TUBGCP6: variants seen among roughly 807,000 people sequenced by gnomAD.
TUBGCP6 encodes the protein tubulin gamma complex component 6.
Under a neutral mutation model 175.8 loss-of-function variants are expected in TUBGCP6, and 161 were observed. The observed-to-expected ratio is 0.92, with a 90% CI of 0.81 to 1.04. TUBGCP6 has a LOEUF of 1.04. Ranked by LOEUF, TUBGCP6 falls within the 50% of genes least tolerant of loss-of-function variation. The pLI, the probability that TUBGCP6 is intolerant of heterozygous loss-of-function variation, is 0.00. For missense variants in TUBGCP6, 2,572 were observed against 2,433.0 expected, an observed-to-expected ratio of 1.06 and a Z score of -1.20; for synonymous variants, 1,173 against 1,030.5, an observed-to-expected ratio of 1.14 and a Z score of -2.65.
rs2064889043 is a variant in TUBGCP6, at chr22:50,244,270, G to C, written c.190C>G (p.Leu64Val). 2 of 1,613,538 alleles carry C rather than the reference G, an allele frequency of 1.2e-6. No homozygotes were observed. The highest frequency in any genetic ancestry group is 1.3e-5 in the African/African-American group (1 of 74,946). ...ATGAGGATCTTGTTTCTCGCTGGTA[G>C]TTTTGACATGTCAGGCTGCAGCTGT... ...TQQLQPDMSK[L>V]PARNKILMLS... is the part of the protein sequence containing the mutation. The change falls in exon 1 of 25, where the codon CTA becomes GTA. Residue 64 changes from leucine (L) to valine (V), a missense_variant. Transcript: ENST00000248846.
intron 5 of TUBGCP6, among the ~76,000 whole-genome samples, chr22:50,227,497 CCA>C (rs1227297810): frequency 1.3e-5 from 2 of 152,326 alleles, no homozygotes; most frequent in East Asian, 3.9e-4. Flanking sequence ...CTCAGCGCTG[CCA>C]CACTCTGCTC....
intron 10 of TUBGCP6, among the ~76,000 whole-genome samples, chr22:50,224,943 T>C (rs896439111): frequency 4.0e-5 from 6 of 151,730 alleles, no homozygotes; most frequent in Non-Finnish European, 7.4e-5. Context: ...AGCAACCTAA[T>C]CCTCTGACCC....
At chr22:50,235,193 T>TCATCCACACTCCTGTCCATGGCAG (rs2064755716) in intron 2 of TUBGCP6, among the ~76,000 whole-genome samples, 1 of 23,612 alleles carries the variant, frequency 4.2e-5, no homozygotes, top group African/African-American at 3.7e-4. Flanking sequence ...CACGGCAGCA[T>TCATCCACACTCCTGTCCATGGCAG]CATCCACATC....
rs778942140 is a variant in TUBGCP6 at position 50,225,904 on chromosome 22, A to C, written c.1873T>G (p.Ser625Ala). Residue 625 changes from serine to alanine, a missense_variant, in exon 10 of 25, where the codon TCG becomes GCG. Ser to Ala is a moderately conservative substitution (Grantham distance 99). Transcript: ENST00000248846. ...CWSDVPVPRI[S>A]VIFSLEELKE... ...AACTCCTCAAGGGAGAAAATCACCG[A>C]GATCCGGGGGACAGGGACGTCGGAC... 1.2e-6 allele frequency: 2 copies of C among 1,613,916 alleles called. No individual in the cohort carries two copies. The highest frequency in any genetic ancestry group is 1.7e-6 in the Non-Finnish European group (2 of 1,179,996).
Position 50,243,795 on chromosome 22 carries a change from C to T in TUBGCP6, c.665G>A (p.Arg222His). 1.2e-6 allele frequency: 2 copies of T among 1,613,586 alleles called. No individual in the cohort carries two copies. Among genetic ancestry groups the T allele is most frequent in the Non-Finnish European group, 1.7e-6 (2 of 1,179,996 alleles). Residue 222 changes from arginine to histidine, a missense_variant, in exon 1 of 25, where the codon CGC (arginine) becomes CAC (histidine). Coordinates refer to ENST00000248846, the MANE Select transcript of TUBGCP6 (RefSeq NM_020461.4). The part of the protein sequence containing the change: ...VSLFGALVHS[R>H]TYDMDVRLGL... Reference sequence around the variant, plus strand: ...CAGTCGGACGTCCATGTCATAAGTGCGGCTGTGCACAAGGGCCCCGAAGAG... The same window carrying T: ...CAGTCGGACGTCCATGTCATAAGTGTGGCTGTGCACAAGGGCCCCGAAGAG...
At position 50,220,870 on chromosome 22, in the gene TUBGCP6, G is replaced by A. The variant is rs147590381; in HGVS notation, c.3489C>T (p.His1163=). ...PTRPRWNTHG[H]VSDASISLGE... ...CCAAGCTGATGCTGGCATCGGACACGTGTCCATGGGTGTTCCACCGTGGCC... is the reference window on the plus strand; with the variant it reads ...CCAAGCTGATGCTGGCATCGGACACATGTCCATGGGTGTTCCACCGTGGCC... The change falls in exon 16 of 25, where the codon CAC becomes CAT. Residue 1163 remains histidine (H), a synonymous_variant. Transcript: ENST00000248846. 1.7e-4 allele frequency: 281 copies of A among 1,610,114 alleles called. No homozygotes were observed. The highest frequency in any genetic ancestry group is 5.0e-4 in the Middle Eastern group (3 of 6,038).
At chr22:50,232,973 G>A (rs1169228954) in intron 3 of TUBGCP6, among the ~76,000 whole-genome samples, 4 of 152,206 alleles carry the variant, frequency 2.6e-5, no homozygotes, top group East Asian at 1.9e-4. Flanking sequence ...GGACGCTCTC[G>A]GCAGGCAGAT....
chr22:50,243,657 G>GAAGAAGAAGAAGA, intron 1 of TUBGCP6, 62 bp downstream of exon 1: 1 of 1,053,060 alleles, frequency 9.5e-7, no homozygotes, highest in Middle Eastern at 2.2e-4. Flanking sequence ...GAAGAAGAAA[G>GAAGAAGAAGAAGA]GTCACAGGAA....
rs2147184700 is a variant in TUBGCP6, at chr22:50,224,182, T to C, written c.2229A>G (p.Arg743=). The change falls in exon 13 of 25, where the codon AGA becomes AGG. Residue 743 remains arginine (R), a synonymous_variant. Transcript: ENST00000248846. The part of the protein sequence containing the change: ...SYARELRDRE[R]RLKSLEEELE... ...GCTCCTCCTCCAGGGACTTCAGCCT[T>C]CTCTCCCTGTCTCGGAGTTCACGGG... is the stretch of plus-strand genomic sequence containing the variant. 1 of 1,614,000 alleles carries C rather than the reference T, an allele frequency of 6.2e-7. No individual in the cohort carries two copies. The highest frequency in any genetic ancestry group is 8.5e-7 in the Non-Finnish European group (1 of 1,180,002).
intron 1 of TUBGCP6, among the ~76,000 whole-genome samples, chr22:50,241,604 G>C (rs1202917585): frequency 3.3e-5 from 5 of 152,178 alleles, no homozygotes; most frequent in African/African-American, 7.2e-5. Flanking sequence ...GATAGCAGTA[G>C]CAAATTAGTG....
Position 50,240,453 on chromosome 22 carries a change from CA to C in TUBGCP6, c.742-87del, listed in dbSNP as rs1357669332. ...CGATGAGAATTTCAGGAACTTTATG[CA>C]AAGACCTAACAAAATGTTTCTTCTG... is the stretch of plus-strand genomic sequence containing the variant. On this transcript the variant is annotated intron_variant, in intron 1 of 24. Transcript: ENST00000248846. The C allele has an allele frequency of 2.7e-6, 4 of 1,495,698 alleles. No homozygotes were observed. In the African/African-American group the frequency reaches 5.5e-5, roughly 21 times the overall value. 92.7% of individuals were successfully genotyped at this position (1,495,698 alleles called of 1,614,324 possible).
At position 50,218,280 on chromosome 22, in the gene TUBGCP6, A is replaced by G; in HGVS notation, c.5077T>C (p.Trp1693Arg). ...GCCAACCTGGCCCTGAACTCGCACC[A>G]GGTGACGTGCAGGATCTGGTTGGCG... ...YIANQILHVT[W>R]CEFRARLATV... Residue 1693 changes from tryptophan (W) to arginine (R), a missense_variant, in exon 23 of 25, where the codon TGG (tryptophan) becomes CGG (arginine). Trp to Arg is a moderately radical substitution (Grantham distance 101). Coordinates refer to ENST00000248846, the MANE Select transcript of TUBGCP6 (RefSeq NM_020461.4). 6.2e-7 allele frequency: 1 copy of G among 1,613,084 alleles called. No homozygotes were observed. The highest frequency in any genetic ancestry group is 8.5e-7 in the Non-Finnish European group (1 of 1,179,976).
chr22:50,222,497 C>T lies in TUBGCP6; in HGVS notation c.2366G>A (p.Ser789Asn), dbSNP rs1411861715. Reference protein sequence around the residue: ...LWRIQRHRLESARLRFLLEDE... With the variant: ...LWRIQRHRLENARLRFLLEDE... ...TTCTAAGAGAAAACGAAGCCGTGCA[C>T]TCTCCAGTCGGTGCCTCTGGATTCT... Residue 789 changes from serine to asparagine, a missense_variant, in exon 14 of 25, where the codon AGT (serine) becomes AAT (asparagine). By Grantham distance (46) the Ser-to-Asn change is conservative. Coordinates refer to ENST00000248846, the MANE Select transcript of TUBGCP6 (RefSeq NM_020461.4). The T allele has an allele frequency of 6.2e-7, 1 of 1,613,888 alleles. No homozygotes were observed. Among genetic ancestry groups the T allele is most frequent in the Non-Finnish European group, 8.5e-7 (1 of 1,180,040 alleles).
In TUBGCP6 at chr22:50,221,697, T is replaced by C; in HGVS notation, c.2662A>G (p.Arg888Gly). 6.6e-7 allele frequency: 1 copy of C among 1,517,762 alleles called. No individual in the cohort carries two copies. The allele number at this position is 1,517,762 out of a possible 1,614,324, so 94.0% of individuals were successfully genotyped here. The change falls in exon 16 of 25, where the codon AGA becomes GGA. Residue 888 changes from arginine to glycine, a missense_variant. Arg to Gly is a moderately radical substitution (Grantham distance 125). Coordinates refer to ENST00000248846, the MANE Select transcript of TUBGCP6 (RefSeq NM_020461.4). Reference sequence around the variant, plus strand: ...ATGCTGAGGCTGTCAGAGAAGGGTCTGGCCCCCTCCGCCTGCTGCAGCCCC... The same window carrying C: ...ATGCTGAGGCTGTCAGAGAAGGGTCCGGCCCCCTCCGCCTGCTGCAGCCCC... ...GRGLQQAEGA[R>G]PFSDSLSIGD...
intron 10 of TUBGCP6, among the ~76,000 whole-genome samples, chr22:50,225,138 C>A (rs2064587033): frequency 6.6e-6 from 1 of 150,600 alleles, no homozygotes; most frequent in Admixed American, 6.6e-5. Flanking sequence ...CCGGCTCTCA[C>A]AGAGACATCT....
chr22:50,228,329 C>CATGGCAAA (rs1308229253), intron 4 of TUBGCP6, among the ~76,000 whole-genome samples: 1 of 139,112 alleles, frequency 7.2e-6, no homozygotes, highest in Non-Finnish European at 1.6e-5. Flanking sequence ...GCCCCAGGGG[C>CATGGCAAA]GCCCACCACC....
At chr22:50,225,021 C>T (rs1334078392) in intron 10 of TUBGCP6, among the ~76,000 whole-genome samples, 2 of 151,828 alleles carry the variant, frequency 1.3e-5, no homozygotes, top group South Asian at 2.1e-4. Context: ...TCCAAGGGTT[C>T]GAGGAGGGAC....
rs1270146974 is a variant in TUBGCP6, at chr22:50,221,337, G to C, written c.3022C>G (p.Pro1008Ala). 1 of 1,612,888 alleles carries C rather than the reference G, an allele frequency of 6.2e-7. No homozygotes were observed. The highest frequency in any genetic ancestry group is 1.3e-5 in the African/African-American group (1 of 74,946). The change falls in exon 16 of 25, where the codon CCA becomes GCA. Residue 1008 changes from proline (P) to alanine (A), a missense_variant. Coordinates refer to ENST00000248846, the MANE Select transcript of TUBGCP6 (RefSeq NM_020461.4). ...ASRETLLPSH[P>A]PRRAALEEGS... ...TCCTCCAGAGCAGCACGCCTGGGTG[G>C]GTGTGAGGGGAGCAGAGTCTCCCGC...
chr22:50,239,616 C>A (rs190442996), intron 2 of TUBGCP6, among the ~76,000 whole-genome samples: 259 of 152,346 alleles, frequency 1.7e-3, no homozygotes, highest in African/African-American at 6.0e-3. Context: ...AGAGAGCAAG[C>A]TGCTGGTACC....
Sources: gnomAD v4.1 joint callset for allele counts (sites outside exome capture counted in the v4.1 genomes callset) on GRCh38, gnomAD v4.1.1 for gene constraint, MANE v1.5 for transcripts, NCBI Gene and HGNC (gene_info 2026-07-23, HGNC 2026-07-21) for gene names.